Variants in LSAMP observed in about 807,000 individuals in gnomAD.
LSAMP encodes the protein limbic system-associated membrane protein.
Under a neutral mutation model 38.6 loss-of-function variants are expected in LSAMP, and 7 were observed. The ratio of observed to expected loss-of-function variants is 0.18; its 90% CI spans 0.10 to 0.34. The LOEUF (loss-of-function observed/expected upper bound fraction) is 0.34, where lower values mean the gene tolerates loss of function less well. Ranked by LOEUF, LSAMP falls within the 10% of genes least tolerant of loss-of-function variation. LSAMP has a pLI of 1.00. For synonymous variants in LSAMP, 154 were observed against 166.8 expected, an observed-to-expected ratio of 0.92 and a Z score of 0.59; for missense variants, 313 against 420.0, an observed-to-expected ratio of 0.75 and a Z score of 2.23.
chr3:116,074,089 A>C (rs1707676005), intron 2 of LSAMP, among the ~76,000 whole-genome samples: 1 of 152,186 alleles, frequency 6.6e-6, no homozygotes, highest in Non-Finnish European at 1.5e-5. Context: ...AAGTGCCACC[A>C]ATTACCTGAA....
intron 1 of LSAMP, among the ~76,000 whole-genome samples, chr3:116,160,144 A>G (rs1709849657): frequency 6.6e-6 from 1 of 152,162 alleles, no homozygotes; most frequent in Non-Finnish European, 1.5e-5. Flanking sequence ...TCACACCTGT[A>G]ATCCCAGAAT....
chr3:116,355,875 G>C (rs2048215771), intron 1 of LSAMP, among the ~76,000 whole-genome samples: 1 of 152,148 alleles, frequency 6.6e-6, no homozygotes, highest in African/African-American at 2.4e-5. Context: ...ACTACAATGA[G>C]ATATCATTTC....
intron 1 of LSAMP, among the ~76,000 whole-genome samples, chr3:116,367,310 A>G (rs551877608): frequency 1.3e-5 from 2 of 152,282 alleles, no homozygotes; most frequent in African/African-American, 4.8e-5. Context: ...AGGTAAAAAG[A>G]GAAATCAGGA....
intron 1 of LSAMP, among the ~76,000 whole-genome samples, chr3:116,300,626 T>C (rs1422294493): frequency 6.6e-6 from 1 of 152,092 alleles, no homozygotes; most frequent in Non-Finnish European, 1.5e-5. Flanking sequence ...AGGATCTAGG[T>C]TGCATGCTTC....
chr3:116,207,568 C>T (rs2046088257), intron 1 of LSAMP, among the ~76,000 whole-genome samples: 1 of 151,608 alleles, frequency 6.6e-6, no homozygotes, highest in African/African-American at 2.4e-5. Context: ...ATGTTTAGCG[C>T]TTCCTTCAGG....
intron 4 of LSAMP, among the ~76,000 whole-genome samples, chr3:115,850,637 G>T (rs1516522): frequency 0.4 from 61,051 of 151,978 alleles, 12,583 homozygotes; most frequent in African/African-American, 0.5. Context: ...CTAAAAAATT[G>T]GAAGATAGCT....
At chr3:116,163,205 C>T (rs1709941685) in intron 1 of LSAMP, among the ~76,000 whole-genome samples, 1 of 144,998 alleles carries the variant, frequency 6.9e-6, no homozygotes, top group Non-Finnish European at 1.5e-5. Flanking sequence ...AGGTATATCT[C>T]CTAATGCTAT....
At chr3:116,253,383 A>T (rs1326572059) in intron 1 of LSAMP, among the ~76,000 whole-genome samples, 1 of 152,226 alleles carries the variant, frequency 6.6e-6, no homozygotes, top group Non-Finnish European at 1.5e-5. Context: ...TATAAACATC[A>T]GCTAAACTCC....
rs543032492 is a variant in LSAMP at position 116,346,736 on chromosome 3, T to C, written c.155+98141A>G. On this transcript the variant is annotated intron_variant, in intron 1 of 6. Transcript: ENST00000490035. Reference sequence around the variant, plus strand: ...GCTGTATGTGTCGACACATGTCACATAGATATTTCAGGCAGGCCTGAAAAT... The same window carrying C: ...GCTGTATGTGTCGACACATGTCACACAGATATTTCAGGCAGGCCTGAAAAT... Among the ~76,000 whole-genome samples, 5 of 152,314 alleles carry C rather than the reference T, an allele frequency of 3.3e-5. No homozygotes were observed. In the South Asian group the frequency reaches 1.0e-3, roughly 32 times the overall value.
At chr3:116,110,729 G>T (rs1037202779) in intron 1 of LSAMP, among the ~76,000 whole-genome samples, 3 of 152,164 alleles carry the variant, frequency 2.0e-5, no homozygotes, top group African/African-American at 7.2e-5. Context: ...CTTTCTCACG[G>T]AGCAAAGAGC....
At chr3:116,005,280 A>T (rs1432449801) in intron 3 of LSAMP, among the ~76,000 whole-genome samples, 1 of 152,096 alleles carries the variant, frequency 6.6e-6, no homozygotes, top group Non-Finnish European at 1.5e-5. Flanking sequence ...ATCAATAATA[A>T]ATTTTCTGGA....
chr3:116,203,566 C>G (rs1327692545), intron 1 of LSAMP, among the ~76,000 whole-genome samples: 1 of 125,944 alleles, frequency 7.9e-6, no homozygotes, highest in Non-Finnish European at 1.6e-5. Context: ...CACCCCACCA[C>G]AGTCCCCAGA....
At chr3:116,129,027 G>A (rs79488234) in intron 1 of LSAMP, among the ~76,000 whole-genome samples, 1,538 of 152,184 alleles carry the variant, frequency 0.01, 21 homozygotes, top group African/African-American at 0.033. Flanking sequence ...ACTGGATTTG[G>A]TGGATTCATA....
intron 1 of LSAMP, among the ~76,000 whole-genome samples, chr3:116,289,605 C>G (rs2047237502): frequency 6.6e-6 from 1 of 152,088 alleles, no homozygotes; most frequent in Non-Finnish European, 1.5e-5. Context: ...CACTGCCTAA[C>G]TAGAGGCCCA....
chr3:116,318,371 C>A (rs1185708999), intron 1 of LSAMP, among the ~76,000 whole-genome samples: 1 of 152,096 alleles, frequency 6.6e-6, no homozygotes, highest in Admixed American at 6.5e-5. Flanking sequence ...AGTCTCCACA[C>A]CAGGAGGAGA....
In LSAMP at chr3:116,165,822, G is replaced by A. The variant is rs763494197; in HGVS notation, c.156-79266C>T. On this transcript the variant is annotated intron_variant, in intron 1 of 6. Transcript: ENST00000490035. ...CCAGGGGCCTGCATGGCTGAGCCCT[G>A]GAATATCTCTCCCTGGTTCCCTGCA... 5.2e-4 allele frequency among the ~76,000 whole-genome samples: 79 copies of A among 152,152 alleles called. 1 individual carries two copies. In the Middle Eastern group the frequency reaches 0.027, roughly 53 times the overall value.
At chr3:116,146,695 A>G (rs1709498299) in intron 1 of LSAMP, among the ~76,000 whole-genome samples, 1 of 151,928 alleles carries the variant, frequency 6.6e-6, no homozygotes. Flanking sequence ...GGGAAATACC[A>G]TCTGATTAGG....
intron 3 of LSAMP, among the ~76,000 whole-genome samples, chr3:115,952,850 A>T (rs1048757476): frequency 3.3e-5 from 5 of 152,216 alleles, no homozygotes; most frequent in African/African-American, 9.7e-5. Flanking sequence ...ACAGGAAAAA[A>T]ATCAGTTCAA....
chr3:116,156,837 G>A (rs1050783657), intron 1 of LSAMP, among the ~76,000 whole-genome samples: 1 of 152,138 alleles, frequency 6.6e-6, no homozygotes, highest in Admixed American at 6.5e-5. Context: ...GTTGTCTTAA[G>A]TAGAAAAATG....
Sources: gnomAD v4.1 joint callset for allele counts (sites outside exome capture counted in the v4.1 genomes callset) on GRCh38, gnomAD v4.1.1 for gene constraint, MANE v1.5 for transcripts, NCBI Gene and HGNC (gene_info 2026-07-23, HGNC 2026-07-21) for gene names.